Variants in CSMD1 observed in about 807,000 individuals in gnomAD.
CSMD1 encodes CUB and Sushi multiple domains 1, also known as CUB and sushi domain-containing protein 1.
Under a neutral mutation model 417.5 loss-of-function variants are expected in CSMD1, and 213 were observed. The ratio of observed to expected loss-of-function variants is 0.51; its 90% CI spans 0.46 to 0.57. The LOEUF (loss-of-function observed/expected upper bound fraction) is 0.57. Among genes scored for constraint, CSMD1 ranks in the 20% least tolerant of loss-of-function variants. The pLI is 0.00. For missense variants in CSMD1, 6,923 were observed against 4,529.7 expected (o/e 1.53, Z -15.17); for synonymous variants, 2,862 against 1,736.8 (o/e 1.65, Z -16.11).
Position 3,931,035 on chromosome 8 carries a change from A to T in CSMD1, c.818+66868T>A, listed in dbSNP as rs1292318642. ...CATAGTGCTAATTTCCACAGGGAAAATCTTAACTGCGGTATGATCGCTGAG... is the reference window on the plus strand; with the variant it reads ...CATAGTGCTAATTTCCACAGGGAAATTCTTAACTGCGGTATGATCGCTGAG... On this transcript the variant is annotated intron_variant, in intron 5 of 69. Transcript: ENST00000635120. 2.0e-5 allele frequency among the ~76,000 whole-genome samples: 3 copies of T among 150,514 alleles called. 1 individual carries two copies. The highest frequency in any genetic ancestry group is 4.4e-5 in the Non-Finnish European group (3 of 67,572).
At chr8:4,609,500 T>A (rs1333131792) in intron 2 of CSMD1, among the ~76,000 whole-genome samples, 1 of 152,246 alleles carries the variant, frequency 6.6e-6, no homozygotes, top group African/African-American at 2.4e-5. Flanking sequence ...ATTCAATAAC[T>A]CACTAATTAG....
chr8:4,211,515 C>A (rs771876388), intron 3 of CSMD1, among the ~76,000 whole-genome samples: 2 of 152,158 alleles, frequency 1.3e-5, no homozygotes, highest in Non-Finnish European at 2.9e-5. Context: ...TATTTATTTT[C>A]AGTTTTATCT....
In CSMD1 at chr8:4,603,578, A is replaced by G. The variant is rs181472286; in HGVS notation, c.302+33764T>C. 1.3e-3 allele frequency among the ~76,000 whole-genome samples: 199 copies of G among 152,284 alleles called. 1 individual carries two copies. Among genetic ancestry groups the G allele is most frequent in the African/African-American group, 4.7e-3 (197 of 41,586 alleles). On this transcript the variant is annotated intron_variant, in intron 2 of 69. Transcript: ENST00000635120. ...AAATATTAAGTGACCTCATGATTTC[A>G]TTTAGCTAGCTTTGCAAAATAGTGC...
chr8:3,923,288 G>A (rs978130397), intron 5 of CSMD1, among the ~76,000 whole-genome samples: 25 of 152,242 alleles, frequency 1.6e-4, no homozygotes, highest in African/African-American at 4.3e-4. Context: ...AGCCCAGGCT[G>A]TCCCTTCCCC....
rs541511264 is a variant in CSMD1, at chr8:4,700,446, C to A, written c.86-62888G>T. ...AACAGGTAGGTTTACTTTGTGACAC[C>A]TCATTGCTTGGAAACAACCTGCATA... On this transcript the variant is annotated intron_variant, in intron 1 of 69. Coordinates refer to ENST00000635120, the MANE Select transcript of CSMD1 (RefSeq NM_033225.6). 9.2e-4 allele frequency among the ~76,000 whole-genome samples: 140 copies of A among 152,094 alleles called. 1 individual carries two copies. The South Asian group carries it at 0.027, about 29-fold the overall frequency.
intron 37 of CSMD1, among the ~76,000 whole-genome samples, chr8:3,174,029 G>A (rs766954690): frequency 1.3e-5 from 2 of 152,150 alleles, no homozygotes; most frequent in African/African-American, 2.4e-5. Context: ...ATGAGGAAAT[G>A]AAATGGAGCT....
chr8:4,795,717 GC>G (rs1292169760), intron 1 of CSMD1, among the ~76,000 whole-genome samples: 1 of 152,096 alleles, frequency 6.6e-6, no homozygotes, highest in Non-Finnish European at 1.5e-5. Context: ...AGGCGGAGAG[GC>G]ATCCTGACAG....
chr8:4,774,462 A>G (rs1449016767), intron 1 of CSMD1, among the ~76,000 whole-genome samples: 1 of 152,192 alleles, frequency 6.6e-6, no homozygotes, highest in Non-Finnish European at 1.5e-5. Context: ...TAACAATGCC[A>G]TTTAGAGTAA....
At chr8:4,222,468 A>G (rs1330237943) in intron 3 of CSMD1, among the ~76,000 whole-genome samples, 1 of 152,158 alleles carries the variant, frequency 6.6e-6, no homozygotes, top group Non-Finnish European at 1.5e-5. Context: ...GGTCCGTCAT[A>G]TGTTCTCAGT....
At chr8:4,215,526 G>C (rs571881571) in intron 3 of CSMD1, among the ~76,000 whole-genome samples, 6 of 151,844 alleles carry the variant, frequency 4.0e-5, no homozygotes, top group Admixed American at 6.6e-5. Context: ...TTTTCTTCCA[G>C]AGACCAGGAT....
chr8:4,570,395 T>G (rs1239758033), intron 2 of CSMD1, among the ~76,000 whole-genome samples: 1 of 152,236 alleles, frequency 6.6e-6, no homozygotes, highest in Non-Finnish European at 1.5e-5. Context: ...GGGATAATCA[T>G]GTGGCTTTTG....
chr8:3,893,339 T>TATATA, intron 5 of CSMD1, among the ~76,000 whole-genome samples: 1 of 80,460 alleles, frequency 1.2e-5, no homozygotes, highest in African/African-American at 3.6e-5. Flanking sequence ...ATTCACAATT[T>TATATA]TATATATATA....
rs905233929 is a variant in CSMD1 at position 3,616,982 on chromosome 8, ATG to A, written c.1010-187_1010-186del. Among the ~76,000 whole-genome samples, 509 of 60,222 alleles carry A rather than the reference ATG, an allele frequency of 8.5e-3. 4 individuals carry two copies. Among genetic ancestry groups the A allele is most frequent in the African/African-American group, 0.027 (487 of 17,848 alleles). The allele number at this position is 60,222 out of a possible 152,430, so 39.5% of individuals were successfully genotyped here. A position where few individuals can be genotyped will look rare whatever the true frequency, so the allele number is the denominator to read the frequency against. ...ATATTCTGATTGGTGAAAATCAAAC[ATG>A]TGTTTTCCAGTGAAAGGATGATAAT... On this transcript the variant is annotated intron_variant, in intron 7 of 69. Transcript: ENST00000635120.
rs185957433 is a variant in CSMD1, at chr8:3,043,014, C to A, written c.7660+9448G>T. On this transcript the variant is annotated intron_variant, in intron 50 of 69. Coordinates refer to ENST00000635120, the MANE Select transcript of CSMD1 (RefSeq NM_033225.6). ...CACTATAGCGATAGGTTTCTATGACCTATAAATACTAGATATGACCTAGTA... is the reference window on the plus strand; with the variant it reads ...CACTATAGCGATAGGTTTCTATGACATATAAATACTAGATATGACCTAGTA... Among the ~76,000 whole-genome samples the A allele has an allele frequency of 6.3e-3, 937 of 149,840 alleles. 10 individuals carry two copies. Among genetic ancestry groups the A allele is most frequent in the Middle Eastern group, 0.015 (4 of 264 alleles).
At chr8:4,824,059 C>G (rs1799672484) in intron 1 of CSMD1, among the ~76,000 whole-genome samples, 1 of 148,194 alleles carries the variant, frequency 6.7e-6, no homozygotes, top group South Asian at 2.1e-4. Context: ...TGCACACATA[C>G]TTGCACATAC....
At chr8:3,781,915 T>G (rs949741347) in intron 5 of CSMD1, among the ~76,000 whole-genome samples, 1 of 152,168 alleles carries the variant, frequency 6.6e-6, no homozygotes, top group South Asian at 2.1e-4. Flanking sequence ...GGTAGACCCA[T>G]TTAATAAGAA....
chr8:4,335,424 C>A (rs911291441), intron 3 of CSMD1, among the ~76,000 whole-genome samples: 2 of 152,038 alleles, frequency 1.3e-5, no homozygotes, highest in African/African-American at 4.8e-5. Flanking sequence ...CTGAAACACA[C>A]CAGAAACTCG....
chr8:4,527,410 C>T (rs543443796), intron 2 of CSMD1, among the ~76,000 whole-genome samples: 5 of 152,086 alleles, frequency 3.3e-5, no homozygotes, highest in Non-Finnish European at 7.3e-5. Context: ...TTTTTCTGAA[C>T]TTATTTTAGG....
In CSMD1 at chr8:4,660,479, A is replaced by G. The variant is rs554696876; in HGVS notation, c.86-22921T>C. On this transcript the variant is annotated intron_variant, in intron 1 of 69. Coordinates refer to ENST00000635120, the MANE Select transcript of CSMD1 (RefSeq NM_033225.6). ...TGACACACAGGTTTATTGCAATTCC[A>G]TTACAAATCCTAACCCAACTTTTGC... Among the ~76,000 whole-genome samples, 46 of 152,262 alleles carry G rather than the reference A, an allele frequency of 3.0e-4. No homozygotes were observed. The South Asian group carries it at 9.5e-3, about 31-fold the overall frequency.
Sources: allele counts gnomAD v4.1 joint callset (sites outside exome capture counted in the v4.1 genomes callset), GRCh38; gene constraint gnomAD v4.1.1; transcripts MANE v1.5; gene names NCBI Gene and HGNC (gene_info 2026-07-23, HGNC 2026-07-21).